COL15A1: variants seen among roughly 807,000 people sequenced by gnomAD.
COL15A1 encodes collagen type XV alpha 1 chain.
A neutral mutation model predicts 165.9 loss-of-function variants in COL15A1; 111 were observed. That is an observed-to-expected ratio of 0.67 (90% CI 0.57 to 0.78). The LOEUF is 0.78. COL15A1 is among the 30% of genes least tolerant of loss of function. The probability of loss-of-function intolerance (pLI) is 0.00; values close to 1 mark genes in which losing one functional copy is unlikely to be tolerated. For synonymous variants in COL15A1, 659 were observed against 674.8 expected, an observed-to-expected ratio of 0.98 and a Z score of 0.36; for missense variants, 1,745 against 1,789.7, an observed-to-expected ratio of 0.98 and a Z score of 0.45.
At chr9:99,066,387 T>C (rs1286286489) in intron 39 of COL15A1, among the ~76,000 whole-genome samples, 1 of 152,138 alleles carries the variant, frequency 6.6e-6, no homozygotes, top group African/African-American at 2.4e-5. Flanking sequence ...GATGGCTTTC[T>C]CCCAGATCCC....
chr9:98,973,705 A>T (rs1838098624), intron 2 of COL15A1, among the ~76,000 whole-genome samples: 1 of 152,258 alleles, frequency 6.6e-6, no homozygotes, highest in East Asian at 1.9e-4. Context: ...GCCTCTGGCC[A>T]GGCCTTGCTG....
At chr9:98,962,477 A>T (rs1837880180) in intron 2 of COL15A1, among the ~76,000 whole-genome samples, 1 of 152,182 alleles carries the variant, frequency 6.6e-6, no homozygotes, top group South Asian at 2.1e-4. Context: ...TGGTGAGGAG[A>T]CCAGTAACAA....
At chr9:98,952,650 G>T (rs1837708601) in intron 2 of COL15A1, among the ~76,000 whole-genome samples, 1 of 152,060 alleles carries the variant, frequency 6.6e-6, no homozygotes, top group Non-Finnish European at 1.5e-5. Flanking sequence ...GCCTCCCAAA[G>T]TGCTGGGATT....
Position 99,062,029 on chromosome 9 carries a change from GA to G in COL15A1, c.3463del (p.Thr1155HisfsTer5). ...CAGAAAGCGCATTTGGTTATAGAAG[GA>G]ACATTCATCTACCTGAGGGACAGCA... is the stretch of plus-strand genomic sequence containing the variant. ...MLQKAHLVIE[G>X]TFIYLRDSTE... is the part of the protein sequence containing the mutation. On this transcript the variant is annotated frameshift_variant, in exon 37 of 42. Coordinates refer to ENST00000375001, the MANE Select transcript of COL15A1 (RefSeq NM_001855.5). LOFTEE classifies it high-confidence loss of function. 2 of 1,614,048 alleles carry G rather than the reference GA, an allele frequency of 1.2e-6. No homozygotes were observed. Among genetic ancestry groups the G allele is most frequent in the Non-Finnish European group, 1.7e-6 (2 of 1,179,960 alleles).
chr9:99,016,200 TG>T, intron 11 of COL15A1, 81 bp downstream of exon 11: 2 of 1,478,768 alleles, frequency 1.4e-6, no homozygotes, highest in African/African-American at 1.4e-5. Context: ...TGGGAAGGGC[TG>T]GCCCCCAGCT....
chr9:99,069,982 T>G lies in COL15A1; in HGVS notation c.*96T>G, dbSNP rs80251849. On this transcript the variant is annotated 3_prime_UTR_variant, in exon 42 of 42. Coordinates refer to ENST00000375001, the MANE Select transcript of COL15A1 (RefSeq NM_001855.5). ...TGTTTAATTGTTGTAAATATTACAG[T>G]TTTTTTTTTTTACTACATATTCTTT... 124 of 607,390 alleles carry G rather than the reference T, an allele frequency of 2.0e-4. No homozygotes were observed. The highest frequency in any genetic ancestry group is 5.4e-4 in the East Asian group (9 of 16,586). The allele number at this position is 607,390 out of a possible 1,614,324, so 37.6% of individuals were successfully genotyped here.
At chr9:98,945,416 A>G (rs1277085425) in intron 2 of COL15A1, among the ~76,000 whole-genome samples, 1 of 152,222 alleles carries the variant, frequency 6.6e-6, no homozygotes, top group Non-Finnish European at 1.5e-5. Flanking sequence ...GTTTTGCAGA[A>G]GAGCCATGCT....
At chr9:99,062,453 C>A in intron 38 of COL15A1, 149 bp downstream of exon 38, 1 of 671,292 alleles carries the variant, frequency 1.5e-6, no homozygotes. Context: ...TTAATGGGTG[C>A]TAACAGGAGG....
chr9:99,064,925 G>GA (rs1758924519), intron 39 of COL15A1, among the ~76,000 whole-genome samples: 3 of 152,104 alleles, frequency 2.0e-5, no homozygotes, highest in Admixed American at 1.3e-4. Flanking sequence ...ATTCATTGCA[G>GA]AAAATGTCAA....
intron 9 of COL15A1, among the ~76,000 whole-genome samples, chr9:99,009,274 T>A (rs1338399152): frequency 6.6e-6 from 1 of 152,266 alleles, no homozygotes; most frequent in Non-Finnish European, 1.5e-5. Flanking sequence ...GGAAACTTGG[T>A]TACTTCTGTG....
intron 9 of COL15A1, among the ~76,000 whole-genome samples, chr9:99,012,671 T>A (rs1246691261): frequency 6.6e-6 from 1 of 152,036 alleles, no homozygotes; most frequent in African/African-American, 2.4e-5. Context: ...TCTCCTTGTT[T>A]TTCCTTATTC....
chr9:99,059,854 T>C (rs1345569499), intron 35 of COL15A1, 35 bp from the exon 36 acceptor site: 8 of 1,610,856 alleles, frequency 5.0e-6, no homozygotes, highest in Non-Finnish European at 6.8e-6. Flanking sequence ...CAGAGTGTGG[T>C]TTTTGTGTAA....
intron 5 of COL15A1, 52 bp from the exon 6 acceptor site, chr9:98,996,882 T>C: frequency 6.2e-7 from 1 of 1,602,764 alleles, no homozygotes; most frequent in Middle Eastern, 1.7e-4. Context: ...TGTCATTTCT[T>C]CTGCTTTACT....
At chr9:99,048,052 GAGTGTGGGGTCCAC>G (rs1368559435) in intron 28 of COL15A1, 52 bp downstream of exon 28, 1 of 972,430 alleles carries the variant, frequency 1.0e-6, no homozygotes, top group African/African-American at 1.6e-5. Flanking sequence ...GAGGGTGAGA[GAGTGTGGGGTCCAC>G]AGAGCAGGGC....
Position 98,985,978 on chromosome 9 carries a change from G to A in COL15A1, c.514G>A (p.Glu172Lys). Reference protein sequence around the residue: ...NRFAMIVQGEEVTLLVNCEEH... With the variant: ...NRFAMIVQGEKVTLLVNCEEH... Reference sequence around the variant, plus strand: ...CTTCGCCATGATTGTCCAGGGTGAGGAAGTGACCCTCCTCGTGAACTGTGA... The same window carrying A: ...CTTCGCCATGATTGTCCAGGGTGAGAAAGTGACCCTCCTCGTGAACTGTGA... The change falls in exon 3 of 42, where the codon GAA becomes AAA. Residue 172 changes from glutamate (E) to lysine (K), a missense_variant. By Grantham distance (56) the Glu-to-Lys change is moderately conservative. Transcript: ENST00000375001. 1 of 1,614,152 alleles carries A rather than the reference G, an allele frequency of 6.2e-7. No individual in the cohort carries two copies. Among genetic ancestry groups the A allele is most frequent in the East Asian group, 2.2e-5 (1 of 44,876 alleles).
intron 2 of COL15A1, among the ~76,000 whole-genome samples, chr9:98,972,910 G>A (rs867357891): frequency 1.3e-5 from 2 of 152,224 alleles, no homozygotes; most frequent in Non-Finnish European, 2.9e-5. Flanking sequence ...GCAGAGCCCA[G>A]CTTCACATCT....
At chr9:99,060,805 G>A (rs954109261) in intron 36 of COL15A1, among the ~76,000 whole-genome samples, 2 of 152,098 alleles carry the variant, frequency 1.3e-5, no homozygotes, top group Non-Finnish European at 2.9e-5. Flanking sequence ...ACTTGAGCCT[G>A]GGAAGTCGAG....
intron 2 of COL15A1, among the ~76,000 whole-genome samples, chr9:98,964,907 C>T (rs566590565): frequency 1.3e-5 from 2 of 152,300 alleles, no homozygotes; most frequent in South Asian, 2.1e-4. Context: ...TTTCACGGTG[C>T]CCACTGAAGC....
chr9:99,033,843 C>G (rs1288984938), intron 16 of COL15A1, among the ~76,000 whole-genome samples: 1 of 152,150 alleles, frequency 6.6e-6, no homozygotes, highest in Admixed American at 6.5e-5. Flanking sequence ...CATCTGGGGG[C>G]CCCCTACCAC....
Sources: gnomAD v4.1 joint callset for allele counts (sites outside exome capture counted in the v4.1 genomes callset) on GRCh38, gnomAD v4.1.1 for gene constraint, MANE v1.5 for transcripts, NCBI Gene and HGNC (gene_info 2026-07-23, HGNC 2026-07-21) for gene names.